PHAF1: variants seen among roughly 807,000 people sequenced by gnomAD.
PHAF1 encodes the protein phagophore assembly factor 1.
PHAF1 carries 23 observed loss-of-function variants against 63.1 expected under a neutral mutation model. The observed-to-expected ratio is 0.36, with a 90% CI of 0.26 to 0.52. The LOEUF (loss-of-function observed/expected upper bound fraction) is 0.52. PHAF1 is among the 20% of genes least tolerant of loss of function. The pLI, the probability that PHAF1 is intolerant of heterozygous loss-of-function variation, is 0.93. For synonymous variants in PHAF1, 167 were observed against 185.0 expected, an observed-to-expected ratio of 0.90 and a Z score of 0.79; for missense variants, 427 against 517.2, an observed-to-expected ratio of 0.83 and a Z score of 1.69.
intron 2 of PHAF1, among the ~76,000 whole-genome samples, chr16:67,123,157 G>A (rs1963052476): frequency 2.0e-5 from 3 of 150,858 alleles, no homozygotes; most frequent in Admixed American, 2.0e-4. Context: ...CATGATCATG[G>A]CTCACTGGAA....
chr16:67,111,820 C>T (rs1009496970), intron 1 of PHAF1, among the ~76,000 whole-genome samples: 3 of 152,094 alleles, frequency 2.0e-5, no homozygotes, highest in Non-Finnish European at 2.9e-5. Flanking sequence ...GATTGGGTTT[C>T]GCCATGTTGG....
chr16:67,142,064 A>G (rs1963833109), intron 10 of PHAF1, among the ~76,000 whole-genome samples: 1 of 152,244 alleles, frequency 6.6e-6, no homozygotes, highest in African/African-American at 2.4e-5. Context: ...GGGCAACAGA[A>G]CAGTTCAGAG....
At position 67,113,237 on chromosome 16, in the gene PHAF1, C is replaced by T. The variant is rs146461278; in HGVS notation, c.64+2998C>T. On this transcript the variant is annotated intron_variant, in intron 1 of 15. Coordinates refer to ENST00000219139, the MANE Select transcript of PHAF1 (RefSeq NM_025187.5). ...GTGCAAATGCAGATGCAATTATCTGCCTGGCATCACAATGGGAAGCTGCAT... is the reference window on the plus strand; with the variant it reads ...GTGCAAATGCAGATGCAATTATCTGTCTGGCATCACAATGGGAAGCTGCAT... Among the ~76,000 whole-genome samples the T allele has an allele frequency of 5.9e-4, 90 of 152,252 alleles. 1 individual carries two copies. The highest frequency in any genetic ancestry group is 2.0e-3 in the African/African-American group (85 of 41,556).
At chr16:67,140,645 T>C (rs1221086389) in intron 10 of PHAF1, 51 bp downstream of exon 10, 2 of 1,319,284 alleles carry the variant, frequency 1.5e-6, no homozygotes, top group South Asian at 2.4e-5. Context: ...GGGTGGGCAG[T>C]GCATCTTTGC....
At chr16:67,139,315 G>C (rs1305260281) in intron 8 of PHAF1, among the ~76,000 whole-genome samples, 1 of 149,720 alleles carries the variant, frequency 6.7e-6, no homozygotes, top group Non-Finnish European at 1.5e-5. Context: ...CTCCAGTGAT[G>C]GAGCTTATGG....
intron 9 of PHAF1, 27 bp downstream of exon 9, chr16:67,140,144 C>T: frequency 1.2e-6 from 2 of 1,606,846 alleles, no homozygotes; most frequent in East Asian, 2.2e-5. Context: ...GCAGTCTCCT[C>T]CTTTTTTTTA....
At chr16:67,125,508 A>G (rs909884685) in intron 2 of PHAF1, among the ~76,000 whole-genome samples, 3 of 152,162 alleles carry the variant, frequency 2.0e-5, no homozygotes, top group Non-Finnish European at 4.4e-5. Flanking sequence ...GTGTGAATGG[A>G]TGTAGGTTCA....
chr16:67,144,287 A>G lies in PHAF1; in HGVS notation c.880-7A>G, dbSNP rs1323811247. 6.2e-7 allele frequency: 1 copy of G among 1,604,360 alleles called. No homozygotes were observed. The highest frequency in any genetic ancestry group is 8.5e-7 in the Non-Finnish European group (1 of 1,171,242). ...CCCTCCTTGAGTACCCTTGTTTTCT[A>G]TCCCAGGACATCCTCTTTGATGCGA... On this transcript the variant is annotated splice_polypyrimidine_tract_variant and splice_region_variant and intron_variant, in intron 10 of 15. Transcript: ENST00000219139.
intron 10 of PHAF1, among the ~76,000 whole-genome samples, chr16:67,141,063 C>T (rs756402769): frequency 1.3e-5 from 2 of 152,186 alleles, no homozygotes; most frequent in Non-Finnish European, 2.9e-5. Flanking sequence ...CTGGCCAGTG[C>T]GGACAGTCCA....
chr16:67,127,093 C>T (rs929563258), intron 3 of PHAF1, among the ~76,000 whole-genome samples: 1 of 152,060 alleles, frequency 6.6e-6, no homozygotes, highest in African/African-American at 2.4e-5. Flanking sequence ...TGGTCTTGAT[C>T]TCTTGACCTC....
intron 5 of PHAF1, 142 bp from the exon 6 acceptor site, chr16:67,132,675 C>T (rs769399429): frequency 1.5e-5 from 18 of 1,193,366 alleles, no homozygotes; most frequent in Non-Finnish European, 2.1e-5. Context: ...CATCCTCCCC[C>T]TTGTTTTCAA....
chr16:67,117,199 A>ATTTTTTTTTTTTTTTTTTTTTTTT (rs750308105), intron 1 of PHAF1, among the ~76,000 whole-genome samples: 3 of 111,948 alleles, frequency 2.7e-5, no homozygotes, highest in African/African-American at 1.2e-4. Flanking sequence ...TGCCCAGCTA[A>ATTTTTTTTTTTTTTTTTTTTTTTT]TTTTTTTTTT....
intron 1 of PHAF1, among the ~76,000 whole-genome samples, chr16:67,114,880 G>A (rs1027339302): frequency 3.3e-5 from 5 of 152,186 alleles, no homozygotes; most frequent in African/African-American, 9.7e-5. Flanking sequence ...GTATGATGTT[G>A]GACATAGATA....
At chr16:67,137,047 C>T (rs578126561) in intron 8 of PHAF1, among the ~76,000 whole-genome samples, 2 of 151,718 alleles carry the variant, frequency 1.3e-5, no homozygotes, top group African/African-American at 2.4e-5. Context: ...TCCAGCTACT[C>T]GGGAGGCTGA....
At chr16:67,120,768 G>T (rs922104887) in intron 2 of PHAF1, among the ~76,000 whole-genome samples, 1 of 151,960 alleles carries the variant, frequency 6.6e-6, no homozygotes, top group Non-Finnish European at 1.5e-5. Flanking sequence ...AAGCCTCAGG[G>T]AATAGTTTTG....
intron 1 of PHAF1, among the ~76,000 whole-genome samples, chr16:67,118,331 CTTT>C (rs1054550338): frequency 9.1e-5 from 7 of 76,574 alleles, no homozygotes; most frequent in African/African-American, 3.2e-4. Flanking sequence ...GCCCCTGTTG[CTTT>C]TTTTTTTTTT....
chr16:67,128,688 G>C lies in PHAF1; in HGVS notation c.232-2598G>C, dbSNP rs11641247. ...CAGAGATGGAAAATCATGGGCTTTA[G>C]CCTTCCCAGCTGCTTGTCCCTGTAG... On this transcript the variant is annotated intron_variant, in intron 3 of 15. Transcript: ENST00000219139. Among the ~76,000 whole-genome samples the C allele has an allele frequency of 3.0e-4, 45 of 152,264 alleles. 1 individual carries two copies. The East Asian group carries it at 8.7e-3, about 29-fold the overall frequency.
chr16:67,111,976 C>T (rs1343517250), intron 1 of PHAF1, among the ~76,000 whole-genome samples: 1 of 152,146 alleles, frequency 6.6e-6, no homozygotes, highest in Non-Finnish European at 1.5e-5. Context: ...CTTAACACCA[C>T]TCCTGCAGAG....
At chr16:67,111,468 G>A (rs571520341) in intron 1 of PHAF1, among the ~76,000 whole-genome samples, 116 of 152,302 alleles carry the variant, frequency 7.6e-4, no homozygotes, top group Non-Finnish European at 1.3e-3. Context: ...GACTAAATCA[G>A]CTGCTCCATT....
Sources: allele counts gnomAD v4.1 joint callset (sites outside exome capture counted in the v4.1 genomes callset), GRCh38; gene constraint gnomAD v4.1.1; transcripts MANE v1.5; gene names NCBI Gene and HGNC (gene_info 2026-07-23, HGNC 2026-07-21).